Variants in MAGI1 observed in about 807,000 individuals in gnomAD.
The protein encoded by MAGI1 is membrane-associated guanylate kinase, WW and PDZ domain-containing protein 1.
In MAGI1, 58 loss-of-function variants were observed where a neutral mutation model predicts 139.9. The ratio of observed to expected loss-of-function variants is 0.41; its 90% CI spans 0.34 to 0.52. The LOEUF (loss-of-function observed/expected upper bound fraction) is 0.52, where lower values mean the gene tolerates loss of function less well. MAGI1 is among the 20% of genes least tolerant of loss of function. MAGI1 has a pLI of 0.12. For missense variants in MAGI1, 1,874 were observed against 1,901.6 expected, an observed-to-expected ratio of 0.99 and a Z score of 0.27; for synonymous variants, 812 against 737.9, an observed-to-expected ratio of 1.10 and a Z score of -1.63.
intron 1 of MAGI1, among the ~76,000 whole-genome samples, chr3:65,930,189 G>C (rs1181755079): frequency 6.6e-6 from 1 of 151,604 alleles, no homozygotes; most frequent in Non-Finnish European, 1.5e-5. Flanking sequence ...AGTGGCGGGC[G>C]CCTGTAGTCC....
intron 2 of MAGI1, among the ~76,000 whole-genome samples, chr3:65,521,521 C>G (rs1485248191): frequency 6.6e-6 from 1 of 152,084 alleles, no homozygotes; most frequent in Admixed American, 6.6e-5. Flanking sequence ...ATATAGATTT[C>G]AGGGAATATT....
chr3:65,640,149 T>C (rs2107231721), intron 1 of MAGI1, among the ~76,000 whole-genome samples: 1 of 152,112 alleles, frequency 6.6e-6, no homozygotes, highest in South Asian at 2.1e-4. Context: ...CAGCTTGTCA[T>C]GTGCAGGTCT....
At chr3:65,517,982 C>G (rs1312339127) in intron 2 of MAGI1, among the ~76,000 whole-genome samples, 1 of 152,118 alleles carries the variant, frequency 6.6e-6, no homozygotes, top group Non-Finnish European at 1.5e-5. Flanking sequence ...GATTTTTAAA[C>G]AAAATTTAGA....
At chr3:65,512,494 A>C (rs1428492131) in intron 2 of MAGI1, among the ~76,000 whole-genome samples, 1 of 150,358 alleles carries the variant, frequency 6.7e-6, no homozygotes, top group African/African-American at 2.4e-5. Context: ...ATCCCACAGA[A>C]ATACAAACTA....
chr3:65,741,905 T>A (rs1306733178), intron 1 of MAGI1, among the ~76,000 whole-genome samples: 1 of 152,132 alleles, frequency 6.6e-6, no homozygotes, highest in Non-Finnish European at 1.5e-5. Flanking sequence ...CACCCATTCA[T>A]TCAACAAATA....
intron 1 of MAGI1, among the ~76,000 whole-genome samples, chr3:65,992,875 G>C (rs2066252243): frequency 6.6e-6 from 1 of 152,146 alleles, no homozygotes; most frequent in South Asian, 2.1e-4. Context: ...ACCTAGGCTG[G>C]AGTGAAGTGG....
At chr3:65,466,794 C>T (rs915353932) in intron 5 of MAGI1, among the ~76,000 whole-genome samples, 3 of 152,218 alleles carry the variant, frequency 2.0e-5, no homozygotes, top group Admixed American at 1.3e-4. Context: ...ATGCAAAGTG[C>T]CAGCTCTACA....
chr3:65,449,303 G>A (rs915680878), intron 6 of MAGI1, among the ~76,000 whole-genome samples: 5 of 152,098 alleles, frequency 3.3e-5, no homozygotes, highest in African/African-American at 4.8e-5. Flanking sequence ...CACTGCCAGC[G>A]GTAAGTTTTG....
At chr3:65,806,301 C>T (rs1039966909) in intron 1 of MAGI1, among the ~76,000 whole-genome samples, 11 of 151,548 alleles carry the variant, frequency 7.3e-5, no homozygotes, top group South Asian at 6.2e-4. Flanking sequence ...TGGTAGTGTG[C>T]GCCTGTGGTC....
At chr3:65,872,996 T>C (rs1384276264) in intron 1 of MAGI1, 1 of 152,216 alleles carries the variant, frequency 6.6e-6, no homozygotes, top group Non-Finnish European at 1.5e-5. Flanking sequence ...TACACAGTAA[T>C]ACCTCAATTA....
intron 1 of MAGI1, among the ~76,000 whole-genome samples, chr3:65,861,941 G>A (rs2059569844): frequency 6.6e-6 from 1 of 152,152 alleles, no homozygotes; most frequent in Admixed American, 6.5e-5. Context: ...GGCAGATCTG[G>A]AACAACCGGT....
chr3:66,005,512 T>G (rs1177666839), intron 1 of MAGI1, among the ~76,000 whole-genome samples: 2 of 152,140 alleles, frequency 1.3e-5, no homozygotes, highest in African/African-American at 4.8e-5. Flanking sequence ...TCAAAATCAA[T>G]ATTCACAGCC....
At chr3:65,684,858 C>T (rs949422109) in intron 1 of MAGI1, among the ~76,000 whole-genome samples, 171 of 148,342 alleles carry the variant, frequency 1.2e-3, no homozygotes, top group Non-Finnish European at 1.7e-3. Flanking sequence ...CAAGCCACCA[C>T]ACCTGGCTAA....
intron 1 of MAGI1, among the ~76,000 whole-genome samples, chr3:65,683,988 G>C (rs1194908766): frequency 2.8e-5 from 4 of 143,588 alleles, no homozygotes; most frequent in Non-Finnish European, 6.0e-5. Flanking sequence ...AACCTAGAGA[G>C]AGCCCATGTC....
At chr3:65,819,875 C>CAAAAAA (rs3077818) in intron 1 of MAGI1, among the ~76,000 whole-genome samples, 716 of 33,418 alleles carry the variant, frequency 0.021, 49 homozygotes, top group African/African-American at 0.057. Context: ...GACTCCATCT[C>CAAAAAA]AAAAAAAAAA....
intron 1 of MAGI1, among the ~76,000 whole-genome samples, chr3:65,786,850 C>T (rs796157836): frequency 6.6e-6 from 1 of 151,914 alleles, no homozygotes. Context: ...TTCCTGACCT[C>T]GTGATCCGCC....
At chr3:65,647,813 G>C (rs1048935432) in intron 1 of MAGI1, among the ~76,000 whole-genome samples, 1 of 152,086 alleles carries the variant, frequency 6.6e-6, no homozygotes, top group African/African-American at 2.4e-5. Context: ...TGCTGGTAAA[G>C]AATACCCAAA....
At chr3:65,370,693 C>T (rs553010824) in intron 18 of MAGI1, among the ~76,000 whole-genome samples, 17 of 152,284 alleles carry the variant, frequency 1.1e-4, no homozygotes, top group African/African-American at 4.1e-4. Context: ...GGCTGGAGTG[C>T]AGTGGCATGA....
At chr3:66,027,060 GA>G (rs1220026275) in intron 1 of MAGI1, among the ~76,000 whole-genome samples, 3 of 151,728 alleles carry the variant, frequency 2.0e-5, no homozygotes, top group Non-Finnish European at 4.4e-5. Context: ...ACAAGGTCAG[GA>G]GATCGAGATC....
Sources: gnomAD v4.1 joint callset for allele counts (sites outside exome capture counted in the v4.1 genomes callset) on GRCh38, gnomAD v4.1.1 for gene constraint, MANE v1.5 for transcripts, NCBI Gene and HGNC (gene_info 2026-07-23, HGNC 2026-07-21) for gene names.